Variants in SLC39A11 observed in about 807,000 individuals in gnomAD.
The protein encoded by SLC39A11 is solute carrier family 39 member 11.
SLC39A11 carries 33 observed loss-of-function variants against 36.1 expected under a neutral mutation model. The ratio of observed to expected loss-of-function variants is 0.91; its 90% CI spans 0.69 to 1.22. SLC39A11 has a LOEUF of 1.22. Among genes scored for constraint, SLC39A11 ranks in the 50% most tolerant of loss-of-function variants. The pLI is 0.00. For missense variants in SLC39A11, 432 were observed against 430.3 expected (o/e 1.00, Z -0.03); for synonymous variants, 166 against 170.3 (o/e 0.97, Z 0.20).
chr17:72,972,917 C>T (rs951584953), intron 4 of SLC39A11, among the ~76,000 whole-genome samples: 1 of 152,166 alleles, frequency 6.6e-6, no homozygotes, highest in African/African-American at 2.4e-5. Context: ...CAAAAATAAA[C>T]ACCAACCTCT....
At chr17:72,689,463 A>G (rs1298502791) in intron 7 of SLC39A11, among the ~76,000 whole-genome samples, 1 of 152,230 alleles carries the variant, frequency 6.6e-6, no homozygotes, top group East Asian at 1.9e-4. Context: ...ACAGAAATGG[A>G]AACAGAGACT....
chr17:72,660,600 A>T (rs562600322), intron 7 of SLC39A11, among the ~76,000 whole-genome samples: 1 of 152,316 alleles, frequency 6.6e-6, no homozygotes, highest in Admixed American at 6.5e-5. Context: ...ACGCTGCCCG[A>T]CACCCACTTG....
At chr17:72,840,114 T>C (rs889925484) in intron 6 of SLC39A11, among the ~76,000 whole-genome samples, 4 of 107,426 alleles carry the variant, frequency 3.7e-5, no homozygotes, top group African/African-American at 1.3e-4. Context: ...TAAATTTGGG[T>C]TCCTGTTCCC....
intron 7 of SLC39A11, among the ~76,000 whole-genome samples, chr17:72,706,122 C>A (rs151075774): frequency 6.6e-6 from 1 of 152,116 alleles, no homozygotes; most frequent in Non-Finnish European, 1.5e-5. Flanking sequence ...AGCTGCCTGC[C>A]GACACCTTGG....
intron 4 of SLC39A11, among the ~76,000 whole-genome samples, chr17:72,991,997 C>T (rs1413407124): frequency 6.6e-6 from 1 of 152,176 alleles, no homozygotes; most frequent in Non-Finnish European, 1.5e-5. Context: ...TCTCTTTTGT[C>T]AATACTGAAT....
intron 4 of SLC39A11, among the ~76,000 whole-genome samples, chr17:72,997,796 C>T (rs1243480733): frequency 1.1e-4 from 16 of 152,184 alleles, no homozygotes; most frequent in Admixed American, 9.8e-4. Context: ...TAGTAACCGT[C>T]TTGGTTATCA....
intron 4 of SLC39A11, among the ~76,000 whole-genome samples, chr17:72,999,762 T>A (rs1376416986): frequency 6.6e-6 from 1 of 152,102 alleles, no homozygotes. Flanking sequence ...TTTTTTGAGA[T>A]GAAGTTTCAC....
intron 1 of SLC39A11, 48 bp from the exon 2 acceptor site, chr17:73,088,823 G>T: frequency 7.2e-7 from 1 of 1,383,458 alleles, no homozygotes; most frequent in South Asian, 1.2e-5. Context: ...CCGTTTCAGT[G>T]ACAGGCGCAT....
chr17:73,055,187 C>T (rs1156796697), intron 3 of SLC39A11, among the ~76,000 whole-genome samples: 2 of 152,046 alleles, frequency 1.3e-5, no homozygotes, highest in Non-Finnish European at 2.9e-5. Context: ...TCTGGGGAGT[C>T]GAGGGGGGAT....
intron 3 of SLC39A11, among the ~76,000 whole-genome samples, chr17:73,042,580 C>G (rs913225274): frequency 6.6e-6 from 1 of 152,202 alleles, no homozygotes; most frequent in African/African-American, 2.4e-5. Context: ...GCAGGCAGAT[C>G]GCCTGAGGTC....
At chr17:73,013,597 A>G (rs2148521130) in intron 4 of SLC39A11, among the ~76,000 whole-genome samples, 1 of 152,296 alleles carries the variant, frequency 6.6e-6, no homozygotes, top group Non-Finnish European at 1.5e-5. Context: ...AGCTTGTTCA[A>G]CCCACGGCCC....
chr17:73,011,364 C>T (rs995395928), intron 4 of SLC39A11, among the ~76,000 whole-genome samples: 19 of 152,250 alleles, frequency 1.2e-4, no homozygotes, highest in African/African-American at 4.6e-4. Flanking sequence ...ATCAGAAGGA[C>T]TCTGGGAAGC....
intron 4 of SLC39A11, among the ~76,000 whole-genome samples, chr17:73,026,769 C>T (rs1011739629): frequency 2.0e-5 from 3 of 151,920 alleles, no homozygotes; most frequent in Non-Finnish European, 4.4e-5. Flanking sequence ...CACACACTAC[C>T]CTCCTCCCCA....
chr17:72,729,831 G>C (rs1371188562), intron 7 of SLC39A11, among the ~76,000 whole-genome samples: 1 of 151,994 alleles, frequency 6.6e-6, no homozygotes. Context: ...GTCTTCTACT[G>C]GTTTCTTGGT....
At chr17:72,841,421 T>C (rs1281998978) in intron 6 of SLC39A11, among the ~76,000 whole-genome samples, 3 of 152,154 alleles carry the variant, frequency 2.0e-5, no homozygotes, top group Non-Finnish European at 4.4e-5. Flanking sequence ...TGGAGGTTAT[T>C]ATGTGAAGTG....
intron 3 of SLC39A11, among the ~76,000 whole-genome samples, chr17:73,062,468 A>AT (rs2059872551): frequency 7.0e-6 from 1 of 142,660 alleles, no homozygotes; most frequent in African/African-American, 2.5e-5. Flanking sequence ...TCTCAAAAAA[A>AT]AAAAAAAAAA....
chr17:72,737,882 A>G (rs2074499798), intron 6 of SLC39A11, among the ~76,000 whole-genome samples: 1 of 152,124 alleles, frequency 6.6e-6, no homozygotes, highest in African/African-American at 2.4e-5. Context: ...GCTGGGAAAG[A>G]GTCTACCCTG....
intron 3 of SLC39A11, among the ~76,000 whole-genome samples, chr17:73,061,923 G>C (rs1599092844): frequency 6.6e-6 from 1 of 152,102 alleles, no homozygotes; most frequent in Non-Finnish European, 1.5e-5. Flanking sequence ...TTGAGACCAA[G>C]AGGTCAATGC....
chr17:72,940,496 G>A (rs1043651976), intron 5 of SLC39A11, among the ~76,000 whole-genome samples: 4 of 152,160 alleles, frequency 2.6e-5, no homozygotes, highest in Admixed American at 6.5e-5. Flanking sequence ...GGCTGGTCTC[G>A]AACTCCTGAC....
Sources: gnomAD v4.1 joint callset for allele counts (sites outside exome capture counted in the v4.1 genomes callset) on GRCh38, gnomAD v4.1.1 for gene constraint, MANE v1.5 for transcripts, NCBI Gene and HGNC (gene_info 2026-07-23, HGNC 2026-07-21) for gene names.